PCSK7: variants seen among roughly 807,000 people sequenced by gnomAD.
The protein encoded by PCSK7 is lymphoma proprotein convertase.
Under a neutral mutation model 73.3 loss-of-function variants are expected in PCSK7, and 38 were observed. That is an observed-to-expected ratio of 0.52 (90% CI 0.40 to 0.68). PCSK7 has a LOEUF of 0.68. Ranked by LOEUF, PCSK7 falls within the 30% of genes least tolerant of loss-of-function variation. The pLI is 0.00. For synonymous variants in PCSK7, 296 were observed against 383.8 expected, an observed-to-expected ratio of 0.77 and a Z score of 2.68; for missense variants, 692 against 991.5, an observed-to-expected ratio of 0.70 and a Z score of 4.06.
chr11:117,205,199 A>T lies in PCSK7; in HGVS notation c.*798T>A. On this transcript the variant is annotated 3_prime_UTR_variant, in exon 17 of 17. Coordinates refer to ENST00000320934, the MANE Select transcript of PCSK7 (RefSeq NM_004716.4). The stretch of plus-strand genomic sequence containing the variant: ...AACCAACTAGCTCAGAAGAGGGGAG[A>T]AGGCCAAGGTTGAGAGAAGAGTCAC... The T allele has an allele frequency of 4.3e-6, 1 of 233,608 alleles. No individual in the cohort carries two copies. The highest frequency in any genetic ancestry group is 8.5e-6 in the Non-Finnish European group (1 of 117,944). 14.5% of individuals were successfully genotyped at this position (233,608 alleles called of 1,614,324 possible).
rs1233992854 is a variant in PCSK7 at position 117,205,033 on chromosome 11, TG to T, written c.*963del. On this transcript the variant is annotated 3_prime_UTR_variant, in exon 17 of 17. Transcript: ENST00000320934. Reference sequence around the variant, plus strand: ...GCCACTCAGCAGCATGCAGTGGCTTTGGGGAGACAGAGGAAAGGAGAGATTG... The same window carrying T: ...GCCACTCAGCAGCATGCAGTGGCTTTGGGAGACAGAGGAAAGGAGAGATTG... 4.8e-6 allele frequency: 1 copy of T among 207,274 alleles called. No individual in the cohort carries two copies. The highest frequency in any genetic ancestry group is 9.9e-6 in the Non-Finnish European group (1 of 101,484). 12.8% of individuals were successfully genotyped at this position (207,274 alleles called of 1,614,324 possible).
chr11:117,223,358 G>T, intron 8 of PCSK7, 50 bp from the exon 9 acceptor site: 2 of 1,120,494 alleles, frequency 1.8e-6, no homozygotes, highest in Non-Finnish European at 2.7e-6. Flanking sequence ...GGGGTCCTGT[G>T]GCAGGGGCTT....
At chr11:117,214,536 G>A (rs891505377) in intron 12 of PCSK7, 1 of 152,374 alleles carries the variant, frequency 6.6e-6, no homozygotes, top group Non-Finnish European at 1.5e-5. Flanking sequence ...GAAGCTACAG[G>A]AGGAGAGACG....
At chr11:117,223,393 AC>A in intron 8 of PCSK7, 85 bp from the exon 9 acceptor site, 1 of 836,884 alleles carries the variant, frequency 1.2e-6, no homozygotes. Context: ...TCTTGGAGTT[AC>A]CATCCTGGGG....
rs537460948 is a variant in PCSK7 at position 117,219,539 on chromosome 11, G to A, written c.1323+52C>T. ...GAGAATCTAAGGCCACCTGATACCC[G>A]AACTCTGGAGCAGGCTGGGCCAGGC... On this transcript the variant is annotated intron_variant, in intron 10 of 16. Coordinates refer to ENST00000320934, the MANE Select transcript of PCSK7 (RefSeq NM_004716.4). The A allele has an allele frequency of 2.7e-5, 42 of 1,559,038 alleles. 1 individual carries two copies. In the East Asian group the frequency reaches 3.4e-4, roughly 13 times the overall value.
intron 5 of PCSK7, 42 bp from the exon 6 acceptor site, chr11:117,226,063 C>A: frequency 8.8e-7 from 1 of 1,132,296 alleles, no homozygotes. Flanking sequence ...TAATGCTGGT[C>A]TCCTAGCCGG....
chr11:117,231,127 C>A, intron 1 of PCSK7: 1 of 152,028 alleles, frequency 6.6e-6, no homozygotes. Context: ...ATGTGTGTAC[C>A]TATGGTGGCT....
rs754420727 is a variant in PCSK7, at chr11:117,218,536, G to A, written c.1464C>T (p.Tyr488=). ...IWTSVPYLAS[Y]VSPVLKENKA... is the part of the protein sequence containing the mutation. The stretch of plus-strand genomic sequence containing the variant: ...TGTTTTCTTTTAACACGGGACTGAC[G>A]TAGGATGCTAAGTAAGGGACAGATG... The change falls in exon 12 of 17, where the codon TAC becomes TAT. Residue 488 remains tyrosine (Y), a synonymous_variant. Transcript: ENST00000320934. This position sits in a 1 kb window ranked among gnomAD's most constrained non-coding sequence, Gnocchi z 4.0. 8.7e-6 allele frequency: 14 copies of A among 1,609,466 alleles called. No homozygotes were observed. Among genetic ancestry groups the A allele is most frequent in the African/African-American group, 4.0e-5 (3 of 74,828 alleles).
intron 9 of PCSK7, 38 bp downstream of exon 9, chr11:117,223,170 G>A (rs1239286811): frequency 2.5e-6 from 3 of 1,208,238 alleles, no homozygotes; most frequent in Non-Finnish European, 3.7e-6. Flanking sequence ...AGTCTTGTGG[G>A]AAAGGGGCAG....
At chr11:117,216,237 G>A (rs973638215) in intron 12 of PCSK7, 1 of 152,058 alleles carries the variant, frequency 6.6e-6, no homozygotes, top group Non-Finnish European at 1.5e-5. Flanking sequence ...AAATTCTTTG[G>A]GACAATGCTA....
chr11:117,224,838 G>T, intron 6 of PCSK7, 83 bp from the exon 7 acceptor site: 2 of 1,008,746 alleles, frequency 2.0e-6, no homozygotes, highest in Non-Finnish European at 3.2e-6. Flanking sequence ...TCAGCTGGCT[G>T]CCCTTTGACC....
At chr11:117,224,658 A>C (rs2032340642) in intron 7 of PCSK7, 43 bp downstream of exon 7, 5 of 1,497,576 alleles carry the variant, frequency 3.3e-6, no homozygotes, top group Non-Finnish European at 4.7e-6. Context: ...GACTGTATGA[A>C]GAGGGCATCC....
intron 12 of PCSK7, chr11:117,210,383 A>C (rs1341789381): frequency 7.0e-6 from 1 of 142,970 alleles, no homozygotes; most frequent in Non-Finnish European, 1.5e-5. Context: ...TTTTTGAGAC[A>C]GAGTCTCTCT....
chr11:117,226,725 T>C (rs2032443726), intron 5 of PCSK7: 1 of 165,254 alleles, frequency 6.1e-6, no homozygotes, highest in Non-Finnish European at 1.3e-5. Flanking sequence ...ACCTTTTGCC[T>C]TGATGGACAG....
chr11:117,219,137 T>C lies in PCSK7; in HGVS notation c.1351A>G (p.Thr451Ala). 1 of 1,611,098 alleles carries C rather than the reference T, an allele frequency of 6.2e-7. No individual in the cohort carries two copies. Among genetic ancestry groups the C allele is most frequent in the Non-Finnish European group, 8.5e-7 (1 of 1,179,776 alleles). ...RYEDRRAEWV[T>A]NEAGFSHSHQ... The stretch of plus-strand genomic sequence containing the variant: ...CTATGGCTGAAGCCTGCCTCGTTGG[T>C]GACCCACTCTGCACGGCGATCCTCA... The change falls in exon 11 of 17, where the codon ACC becomes GCC. Residue 451 changes from threonine (T) to alanine (A), a missense_variant. Around this residue, in one of 6 missense-constraint regions of PCSK7, gnomAD observed 574 missense variants for 689.8 expected, o/e 0.83. Coordinates refer to ENST00000320934, the MANE Select transcript of PCSK7 (RefSeq NM_004716.4).
Position 117,229,819 on chromosome 11 carries a change from G to A in PCSK7, c.26C>T (p.Pro9Leu), listed in dbSNP as rs2032575248. Residue 9 changes from proline to leucine, a missense_variant, in exon 3 of 17, where the codon CCA (proline) becomes CTA (leucine). Coordinates refer to ENST00000320934, the MANE Select transcript of PCSK7 (RefSeq NM_004716.4). ...CAGGCCCAGGGGGGCATCCAAGTGT[G>A]GCACTTTCTGCCTCCCCTTCGGCAT... Reference protein sequence around the residue: MPKGRQKVPHLDAPLGLPT... With the variant: MPKGRQKVLHLDAPLGLPT... 6.3e-7 allele frequency: 1 copy of A among 1,578,316 alleles called. No homozygotes were observed. Among genetic ancestry groups the A allele is most frequent in the Non-Finnish European group, 8.6e-7 (1 of 1,159,770 alleles).
intron 7 of PCSK7, 36 bp from the exon 8 acceptor site, chr11:117,224,252 A>T: frequency 6.2e-7 from 1 of 1,610,192 alleles, no homozygotes; most frequent in Non-Finnish European, 8.5e-7. Flanking sequence ...CAGTTGAGGA[A>T]CCCACAGAAA....
chr11:117,229,383 C>T lies in PCSK7; in HGVS notation c.462G>A (p.Trp154Ter), dbSNP rs1394076598. The change falls in exon 3 of 17, where the codon TGG becomes TGA. Residue 154 changes from tryptophan (W) to a stop codon, truncating the protein, a stop_gained. Transcript: ENST00000320934. LOFTEE classifies it high-confidence loss of function. ...HFNDPKYPQQ[W>*]HLNNRRSPGR... ...ACTGCAGGACTGGACTCACCAGGTG[C>T]CATTGCTGCGGGTACTTGGGGTCGT... 1 of 1,603,992 alleles carries T rather than the reference C, an allele frequency of 6.2e-7. No individual in the cohort carries two copies. The highest frequency in any genetic ancestry group is 8.5e-7 in the Non-Finnish European group (1 of 1,179,034).
chr11:117,216,361 G>A (rs756523276), intron 12 of PCSK7: 4 of 151,714 alleles, frequency 2.6e-5, no homozygotes, highest in Non-Finnish European at 5.9e-5. Flanking sequence ...ACCAGGTCCT[G>A]GTGGAAAACA....
Sources: allele counts gnomAD v4.1 joint callset, GRCh38; gene constraint gnomAD v4.1.1; regional missense constraint gnomAD v4.1.1; non-coding constraint Gnocchi (gnomAD v3.1); transcripts MANE v1.5; gene names NCBI Gene and HGNC (gene_info 2026-07-23, HGNC 2026-07-21).